WRAP53: variants seen among roughly 807,000 people sequenced by gnomAD.
The protein encoded by WRAP53 is WD repeat containing antisense to TP53.
Under a neutral mutation model 56.6 loss-of-function variants are expected in WRAP53, and 28 were observed. The observed-to-expected ratio is 0.50, with a 90% confidence interval of 0.37 to 0.68. The LOEUF is 0.68. Among genes scored for constraint, WRAP53 ranks in the 30% least tolerant of loss-of-function variants. The pLI is 0.00. For missense variants in WRAP53, 671 were observed against 715.5 expected (o/e 0.94, Z 0.71); for synonymous variants, 283 against 283.4 (o/e 1.00, Z 0.01).
chr17:7,700,871 G>T, intron 5 of WRAP53, 42 bp downstream of exon 5: 1 of 1,459,708 alleles, frequency 6.9e-7, no homozygotes, highest in Non-Finnish European at 9.6e-7. Context: ...CCACCACCCA[G>T]TTTCAAGCAG....
chr17:7,688,488 A>G lies in WRAP53; in HGVS notation c.-75A>G, dbSNP rs1289653711. 1 of 750,434 alleles carries G rather than the reference A, an allele frequency of 1.3e-6. No individual in the cohort carries two copies. Among genetic ancestry groups the G allele is most frequent in the Non-Finnish European group, 2.1e-6 (1 of 469,804 alleles). 46.5% of individuals were successfully genotyped at this position (750,434 alleles called of 1,614,324 possible). ...GTGCTAAGGAACACAGTGCTTTCAA[A>G]AGAATTGGCGTCCGCTGTTCGCCTC... On this transcript the variant is annotated 5_prime_UTR_variant, in exon 1 of 11. Coordinates refer to ENST00000396463, the MANE Select transcript of WRAP53 (RefSeq NM_001143992.2).
chr17:7,692,215 C>T (rs1044882585), intron 4 of WRAP53, among the ~76,000 whole-genome samples: 1 of 151,924 alleles, frequency 6.6e-6, no homozygotes, highest in Non-Finnish European at 1.5e-5. Flanking sequence ...CACGGTGGCT[C>T]ACGCCTGTAA....
chr17:7,698,254 TA>T (rs2074212954), intron 4 of WRAP53, among the ~76,000 whole-genome samples: 1 of 152,162 alleles, frequency 6.6e-6, no homozygotes, highest in Admixed American at 6.5e-5. Flanking sequence ...TACAGAATGT[TA>T]AAGCACACTA....
At chr17:7,693,103 C>T (rs551654622) in intron 4 of WRAP53, among the ~76,000 whole-genome samples, 2 of 152,172 alleles carry the variant, frequency 1.3e-5, no homozygotes, top group South Asian at 4.1e-4. Context: ...TCACTGTCTC[C>T]ACCTCCCTGC....
At chr17:7,700,356 A>C (rs760942543) in intron 4 of WRAP53, among the ~76,000 whole-genome samples, 12 of 152,060 alleles carry the variant, frequency 7.9e-5, no homozygotes, top group Middle Eastern at 3.4e-3. Context: ...ATAAAGAAAA[A>C]GTATAAGGCC....
rs912535971 is a variant in WRAP53, at chr17:7,703,039, G to A, written c.1315G>A (p.Val439Met). The A allele has an allele frequency of 2.5e-6, 4 of 1,614,128 alleles. No individual in the cohort carries two copies. The highest frequency in any genetic ancestry group is 2.7e-5 in the African/African-American group (2 of 75,044). The change falls in exon 10 of 11, where the codon GTG becomes ATG. Residue 439 changes from valine (V) to methionine (M), a missense_variant. Transcript: ENST00000396463. ...VSGSTSGAVS[V>M]WDTDGPGNDG... The stretch of plus-strand genomic sequence containing the variant: ...TGGCAGCACGAGCGGGGCTGTCTCT[G>A]TGTGGGACACGGACGGGCCTGGCAA...
Position 7,702,778 on chromosome 17 carries a change from T to A in WRAP53, c.1200T>A (p.Ser400=), listed in dbSNP as rs772838096. Residue 400 remains serine, a synonymous_variant, in exon 9 of 11, where the codon TCT becomes TCA. Coordinates refer to ENST00000396463, the MANE Select transcript of WRAP53 (RefSeq NM_001143992.2). This position sits in a 1 kb window ranked among gnomAD's most constrained non-coding sequence, Gnocchi z 5.0. ...TCCTGTGCTGGGATCTCCGGCAGTC[T>A]GGTTACCCACTGTGGTCCCTGGGTC... is the stretch of plus-strand genomic sequence containing the variant. ...AELLCWDLRQ[S]GYPLWSLGRE... is the part of the protein sequence containing the mutation. The A allele has an allele frequency of 6.2e-7, 1 of 1,613,974 alleles. No homozygotes were observed. The highest frequency in any genetic ancestry group is 8.5e-7 in the Non-Finnish European group (1 of 1,180,012).
In WRAP53 at chr17:7,702,023, A is replaced by G. The variant is rs932571686; in HGVS notation, c.955+234A>G. ...TTCCTTCCTGAACTCATACCCTGTC[A>G]GCTGTGGAGCTTTTGGTCTCTGAAA... On this transcript the variant is annotated intron_variant, in intron 7 of 10. Coordinates refer to ENST00000396463, the MANE Select transcript of WRAP53 (RefSeq NM_001143992.2). This position sits in a 1 kb window ranked among gnomAD's most constrained non-coding sequence, Gnocchi z 5.0. The G allele has an allele frequency of 1.3e-5, 10 of 756,784 alleles. No homozygotes were observed. Among genetic ancestry groups the G allele is most frequent in the Non-Finnish European group, 2.3e-5 (10 of 437,106 alleles). 46.9% of individuals were successfully genotyped at this position (756,784 alleles called of 1,614,324 possible).
chr17:7,699,498 ATATTTATATATATATATATATATTTAT>A (rs2074240439), intron 4 of WRAP53, among the ~76,000 whole-genome samples: 1 of 12,122 alleles, frequency 8.2e-5, no homozygotes, highest in African/African-American at 3.6e-4. Flanking sequence ...ATATATATAT[ATATTTATATATATATATATATATTTAT>A]ATATATATAT....
chr17:7,696,102 C>A (rs548833706), intron 4 of WRAP53, among the ~76,000 whole-genome samples: 1 of 151,858 alleles, frequency 6.6e-6, no homozygotes, highest in Non-Finnish European at 1.5e-5. Flanking sequence ...GTTAGGGAAG[C>A]GTTCCCAGAG....
intron 4 of WRAP53, among the ~76,000 whole-genome samples, chr17:7,699,515 T>A (rs1282281387): frequency 7.7e-5 from 2 of 25,982 alleles, no homozygotes; most frequent in Non-Finnish European, 1.2e-4. Context: ...TATATATATA[T>A]ATATATTTAT....
At chr17:7,697,861 C>T (rs1597415112) in intron 4 of WRAP53, among the ~76,000 whole-genome samples, 1 of 140,816 alleles carries the variant, frequency 7.1e-6, no homozygotes, top group Non-Finnish European at 1.5e-5. Flanking sequence ...AGATAAAGAA[C>T]AATAGACACT....
intron 4 of WRAP53, among the ~76,000 whole-genome samples, chr17:7,694,876 C>G (rs2074161690): frequency 6.8e-6 from 1 of 146,640 alleles, no homozygotes; most frequent in African/African-American, 2.6e-5. Context: ...TTTTTTCCTG[C>G]TAGTGTACCA....
At position 7,699,437 on chromosome 17, in the gene WRAP53, AATTTATATATATATATAT is replaced by A. The variant is rs1375259036; in HGVS notation, c.643-1265_643-1248del. Reference sequence around the variant, plus strand: ...TCTGCCTTTAAAATTAAAAAAAAAAAATTTATATATATATATATATTTATATATATATATATATTTATA... The same window carrying A: ...TCTGCCTTTAAAATTAAAAAAAAAAAATTTATATATATATATATATTTATA... On this transcript the variant is annotated intron_variant, in intron 4 of 10. Transcript: ENST00000396463. Among the ~76,000 whole-genome samples, 277 of 91,098 alleles carry A rather than the reference AATTTATATATATATATAT, an allele frequency of 3.0e-3. 4 individuals carry two copies. Among genetic ancestry groups the A allele is most frequent in the Non-Finnish European group, 4.3e-3 (208 of 48,248 alleles). The allele number at this position is 91,098 out of a possible 152,430, so 59.8% of individuals were successfully genotyped here. A position where few individuals can be genotyped will look rare whatever the true frequency, so the allele number is the denominator to read the frequency against.
chr17:7,698,590 C>T (rs374037094), intron 4 of WRAP53, among the ~76,000 whole-genome samples: 10 of 152,010 alleles, frequency 6.6e-5, no homozygotes, highest in East Asian at 1.9e-4. Context: ...AAAGATTAGC[C>T]GGGCAGGCTG....
intron 10 of WRAP53, 58 bp downstream of exon 10, chr17:7,703,185 A>G: frequency 1.2e-6 from 2 of 1,613,434 alleles, no homozygotes; most frequent in Non-Finnish European, 1.7e-6. Context: ...GGTGAATCCC[A>G]GAGGGAGCAA....
Position 7,702,412 on chromosome 17 carries a change from T to C in WRAP53, c.1024T>C (p.Cys342Arg), listed in dbSNP as rs1279617667. The stretch of plus-strand genomic sequence containing the variant: ...CAGCCCAGCCCAGCCCCTCTATGCC[T>C]GTGGCTCCTACGGCCGCTCCCTGGG... ...AFSPAQPLYACGSYGRSLGLY... is the reference protein window; with the variant it reads ...AFSPAQPLYARGSYGRSLGLY... The change falls in exon 8 of 11, where the codon TGT (cysteine) becomes CGT (arginine). Residue 342 changes from cysteine (C) to arginine (R), a missense_variant. Physicochemically the swap from Cys to Arg is radical, Grantham distance 180. Transcript: ENST00000396463. The surrounding 1 kb of genome is among the most constrained non-coding windows in gnomAD (Gnocchi z 5.0). 16 of 1,614,042 alleles carry C rather than the reference T, an allele frequency of 9.9e-6. No homozygotes were observed. Among genetic ancestry groups the C allele is most frequent in the Non-Finnish European group, 1.4e-5 (16 of 1,180,024 alleles).
chr17:7,702,603 C>G lies in WRAP53; in HGVS notation c.1164+51C>G. 1.3e-6 allele frequency: 2 copies of G among 1,596,790 alleles called. No individual in the cohort carries two copies. The highest frequency in any genetic ancestry group is 1.7e-6 in the Non-Finnish European group (2 of 1,176,154). Reference sequence around the variant, plus strand: ...AAGCAGCTGGGCAGCGGGGCAGGAGCAGGGATGTAGTCTGCAGTGTAGGGG... The same window carrying G: ...AAGCAGCTGGGCAGCGGGGCAGGAGGAGGGATGTAGTCTGCAGTGTAGGGG... On this transcript the variant is annotated intron_variant, in intron 8 of 10. Transcript: ENST00000396463. This position sits in a 1 kb window ranked among gnomAD's most constrained non-coding sequence, Gnocchi z 5.0.
intron 4 of WRAP53, among the ~76,000 whole-genome samples, chr17:7,690,430 G>A (rs1183674979): frequency 1.3e-5 from 2 of 152,218 alleles, no homozygotes; most frequent in African/African-American, 4.8e-5. Flanking sequence ...ACAGAATGAA[G>A]AGAGACTAAC....
Sources: allele counts gnomAD v4.1 joint callset (sites outside exome capture counted in the v4.1 genomes callset), GRCh38; gene constraint gnomAD v4.1.1; non-coding constraint Gnocchi (gnomAD v3.1); transcripts MANE v1.5; gene names NCBI Gene and HGNC (gene_info 2026-07-23, HGNC 2026-07-21).